The following RCBTB1 variants were observed in gnomAD, a reference collection of about 807,000 sequenced individuals.
RCBTB1 encodes the protein RCC1 and BTB domain-containing protein 1.
Under a neutral mutation model 62.4 loss-of-function variants are expected in RCBTB1, and 46 were observed. The ratio of observed to expected loss-of-function variants is 0.74; its 90% confidence interval spans 0.58 to 0.94. The LOEUF is 0.94. Ranked by LOEUF, RCBTB1 falls within the 40% of genes least tolerant of loss-of-function variation. The probability of loss-of-function intolerance (pLI) is 0.00; values close to 1 mark genes in which losing one functional copy is unlikely to be tolerated. For synonymous variants in RCBTB1, 222 were observed against 245.8 expected (o/e 0.90, Z 0.91); for missense variants, 565 against 654.9 (o/e 0.86, Z 1.50).
chr13:49,565,537 T>C (rs1962883747), intron 4 of RCBTB1, among the ~76,000 whole-genome samples: 1 of 144,124 alleles, frequency 6.9e-6, no homozygotes, highest in African/African-American at 2.6e-5. Flanking sequence ...GAGGAGCGCC[T>C]CTTCCCGGCC....
chr13:49,576,829 G>A (rs1462659708), intron 2 of RCBTB1, among the ~76,000 whole-genome samples: 2 of 148,090 alleles, frequency 1.4e-5, no homozygotes, highest in Non-Finnish European at 3.0e-5. Context: ...GTTATTATTA[G>A]GTGAATCAAT....
At chr13:49,583,386 ATGTGTG>A (rs6145049) in intron 1 of RCBTB1, among the ~76,000 whole-genome samples, 5,368 of 149,874 alleles carry the variant, frequency 0.036, 285 homozygotes, top group African/African-American at 0.12. Context: ...GCTTTTGTGT[ATGTGTG>A]TGTGTGTGTG....
In RCBTB1 at chr13:49,532,896, C is replaced by T. The variant is rs970642870; in HGVS notation, c.*1226G>A. 2.0e-5 allele frequency: 3 copies of T among 152,246 alleles called. No homozygotes were observed. The East Asian group carries it at 5.8e-4, about 29-fold the overall frequency. 9.4% of individuals were successfully genotyped at this position (152,246 alleles called of 1,614,324 possible). A position where few individuals can be genotyped will look rare whatever the true frequency, so the allele number is the denominator to read the frequency against. On this transcript the variant is annotated 3_prime_UTR_variant, in exon 13 of 13. Transcript: ENST00000378302. ...CTCTTAAAAGCAAGCTCAACGGACA[C>T]ACATGATGAAACTCACAGTTGAACA...
chr13:49,547,626 GA>G (rs1305838564), intron 9 of RCBTB1, among the ~76,000 whole-genome samples: 2 of 152,256 alleles, frequency 1.3e-5, no homozygotes, highest in East Asian at 3.8e-4. Flanking sequence ...ACAATATTCA[GA>G]AAAGGTACAG....
At chr13:49,559,351 A>G (rs571512413) in intron 5 of RCBTB1, among the ~76,000 whole-genome samples, 1 of 139,842 alleles carries the variant, frequency 7.2e-6, no homozygotes, top group Non-Finnish European at 1.5e-5. Context: ...AATCAAACTC[A>G]AAGAAACAGA....
At position 49,566,737 on chromosome 13, in the gene RCBTB1, C is replaced by T. The variant is rs775159781; in HGVS notation, c.158G>A (p.Cys53Tyr). Residue 53 changes from cysteine (C) to tyrosine (Y), a missense_variant, in exon 4 of 13, where the codon TGT becomes TAT. By Grantham distance (194) the Cys-to-Tyr change is radical. Coordinates refer to ENST00000378302, the MANE Select transcript of RCBTB1 (RefSeq NM_018191.4). The part of the protein sequence containing the change: ...VFVFGLNYSN[C>Y]LGTGDNQSTL... ...ACTCTGGTTATCTCCAGTTCCTAGA[C>T]AGTTACTATAGTTCAGTCCAAATAC... The T allele has an allele frequency of 1.5e-5, 24 of 1,613,790 alleles. No homozygotes were observed. Among genetic ancestry groups the T allele is most frequent in the Non-Finnish European group, 1.9e-5 (23 of 1,179,906 alleles).
rs1472455268 is a variant in RCBTB1, at chr13:49,532,971, TC to T, written c.*1150del. On this transcript the variant is annotated 3_prime_UTR_variant, in exon 13 of 13. Transcript: ENST00000378302. The stretch of plus-strand genomic sequence containing the variant: ...CATAACCAGTTCAAATAAACTACTG[TC>T]TTTTAATAGGATCTTTTCAGGAACA... 6.6e-6 allele frequency: 1 copy of T among 152,198 alleles called. No homozygotes were observed. Among genetic ancestry groups the T allele is most frequent in the African/African-American group, 2.4e-5 (1 of 41,452 alleles). The allele number at this position is 152,198 out of a possible 1,614,324, so 9.4% of individuals were successfully genotyped here. A position where few individuals can be genotyped will look rare whatever the true frequency, so the allele number is the denominator to read the frequency against.
intron 12 of RCBTB1, among the ~76,000 whole-genome samples, chr13:49,534,509 C>CGT (rs1440080791): frequency 2.0e-5 from 3 of 151,222 alleles, no homozygotes; most frequent in African/African-American, 7.3e-5. Context: ...AACACACACG[C>CGT]GCGCGCACAC....
chr13:49,561,941 A>G (rs1441178863), intron 4 of RCBTB1, among the ~76,000 whole-genome samples: 5 of 151,712 alleles, frequency 3.3e-5, no homozygotes, highest in Non-Finnish European at 5.9e-5. Flanking sequence ...AAAAAAAAAA[A>G]AAAATACAAA....
At chr13:49,543,615 T>C (rs551323387) in intron 10 of RCBTB1, among the ~76,000 whole-genome samples, 1 of 152,370 alleles carries the variant, frequency 6.6e-6, no homozygotes, top group African/African-American at 2.4e-5. Context: ...TTATGTGCCT[T>C]TTTCTGCAAT....
chr13:49,551,936 CCTT>C (rs2139184359), intron 7 of RCBTB1, among the ~76,000 whole-genome samples: 1 of 143,504 alleles, frequency 7.0e-6, no homozygotes, highest in East Asian at 2.1e-4. Context: ...AAAGCCTAAA[CCTT>C]AGGCTACTGA....
In RCBTB1 at chr13:49,561,958, C is replaced by T. The variant is rs148490155; in HGVS notation, c.278-1874G>A. Among the ~76,000 whole-genome samples, 268 of 151,634 alleles carry T rather than the reference C, an allele frequency of 1.8e-3. 3 individuals are homozygous for T. In the East Asian group the frequency reaches 0.026, roughly 15 times the overall value. ...AAAAAAAAAAAAATACAAAAATCAG[C>T]CAGGCATGGTAGCGCGCACCTGTAA... On this transcript the variant is annotated intron_variant, in intron 4 of 12. Transcript: ENST00000378302.
At chr13:49,573,396 C>T (rs1477758268) in intron 2 of RCBTB1, among the ~76,000 whole-genome samples, 12 of 151,106 alleles carry the variant, frequency 7.9e-5, no homozygotes, top group African/African-American at 2.7e-4. Flanking sequence ...AAAACAAGTC[C>T]TATCAGTCTC....
Position 49,534,010 on chromosome 13 carries a change from A to C in RCBTB1, c.*112T>G. 2.5e-6 allele frequency: 3 copies of C among 1,219,496 alleles called. No homozygotes were observed. The South Asian group carries it at 4.6e-5, about 19-fold the overall frequency. The allele number at this position is 1,219,496 out of a possible 1,614,324, so 75.5% of individuals were successfully genotyped here. A position where few individuals can be genotyped will look rare whatever the true frequency, so the allele number is the denominator to read the frequency against. ...ACAACTGTGTCCCAGATGTGGAAAA[A>C]AACAACCTGATGGTCTTTTACCTGC... On this transcript the variant is annotated 3_prime_UTR_variant, in exon 13 of 13. Coordinates refer to ENST00000378302, the MANE Select transcript of RCBTB1 (RefSeq NM_018191.4).
chr13:49,545,038 T>A (rs1960689339), intron 9 of RCBTB1, among the ~76,000 whole-genome samples, 175 bp from the exon 10 acceptor site: 2 of 152,052 alleles, frequency 1.3e-5, no homozygotes, highest in South Asian at 4.1e-4. Flanking sequence ...ATCCTGCATC[T>A]ATAAACTACC....
chr13:49,539,802 T>A (rs1388492482), intron 12 of RCBTB1, among the ~76,000 whole-genome samples: 1 of 152,216 alleles, frequency 6.6e-6, no homozygotes, highest in Non-Finnish European at 1.5e-5. Context: ...TCAGCTACAT[T>A]TGACCTTATC....
chr13:49,560,630 A>G (rs959617417), intron 4 of RCBTB1, among the ~76,000 whole-genome samples: 3 of 149,074 alleles, frequency 2.0e-5, no homozygotes, highest in Non-Finnish European at 3.0e-5. Flanking sequence ...TTTTTTTTAC[A>G]TAAAGCAACC....
chr13:49,560,144 C>T, intron 4 of RCBTB1, 60 bp from the exon 5 acceptor site: 4 of 1,572,264 alleles, frequency 2.5e-6, no homozygotes, highest in Admixed American at 1.8e-5. Context: ...CCTGTACTTT[C>T]TTCCCCAGAA....
chr13:49,583,281 G>A (rs1207893380), intron 1 of RCBTB1, among the ~76,000 whole-genome samples: 1 of 152,070 alleles, frequency 6.6e-6, no homozygotes, highest in African/African-American at 2.4e-5. Flanking sequence ...TAGCAGGATG[G>A]TAAGACCAAG....
Sources: gnomAD v4.1 joint callset for allele counts (sites outside exome capture counted in the v4.1 genomes callset) on GRCh38, gnomAD v4.1.1 for gene constraint, MANE v1.5 for transcripts, NCBI Gene and HGNC (gene_info 2026-07-23, HGNC 2026-07-21) for gene names.